The following WIF1 variants were observed in gnomAD, a reference collection of about 807,000 sequenced individuals.
WIF1 encodes Wnt inhibitory factor 1.
A neutral mutation model predicts 53.5 loss-of-function variants in WIF1; 35 were observed. That is an observed-to-expected ratio of 0.65 (90% CI 0.50 to 0.87). WIF1 has a LOEUF of 0.87. Among genes scored for constraint, WIF1 ranks in the 40% least tolerant of loss-of-function variants. The probability of loss-of-function intolerance (pLI) is 0.00; values close to 1 mark genes in which losing one functional copy is unlikely to be tolerated. For synonymous variants in WIF1, 171 were observed against 170.4 expected (o/e 1.00, Z -0.03); for missense variants, 467 against 476.8 (o/e 0.98, Z 0.19).
rs141700193 is a variant in WIF1, at chr12:65,053,205, A to G, written c.1019-1735T>C. On this transcript the variant is annotated intron_variant, in intron 9 of 9. Coordinates refer to ENST00000286574, the MANE Select transcript of WIF1 (RefSeq NM_007191.5). ...AACCATTCCCACTGTGTGAGAAGCA[A>G]TTTTCCAGAGGAGCGGCACTGCTTA... Among the ~76,000 whole-genome samples the G allele has an allele frequency of 3.9e-4, 59 of 152,206 alleles. 1 individual carries two copies. In the East Asian group the frequency reaches 8.7e-3, roughly 22 times the overall value.
intron 2 of WIF1, among the ~76,000 whole-genome samples, chr12:65,095,107 A>AT (rs71096025): frequency 0.13 from 18,102 of 139,460 alleles, 1,442 homozygotes; most frequent in African/African-American, 0.23. Flanking sequence ...TAATTTTTGT[A>AT]TTTTTTTTTT....
intron 1 of WIF1, 62 bp downstream of exon 1, chr12:65,120,978 CTCTT>C: frequency 7.3e-7 from 1 of 1,362,890 alleles, no homozygotes; most frequent in South Asian, 2.0e-5. Flanking sequence ...GCAGGTATCC[CTCTT>C]TCTTGAAGAG....
chr12:65,062,613 G>A lies in WIF1; in HGVS notation c.731-37C>T. On this transcript the variant is annotated intron_variant, in intron 6 of 9. Transcript: ENST00000286574. ...AGTAACAGGGGTGTTGCATTAGACA[G>A]TAGGTTAAATCTAACACAAATTTCA... The A allele has an allele frequency of 4.5e-6, 7 of 1,555,944 alleles. No homozygotes were observed. The South Asian group carries it at 7.0e-5, about 16-fold the overall frequency.
At chr12:65,075,002 A>G (rs946130612) in intron 3 of WIF1, among the ~76,000 whole-genome samples, 1 of 152,098 alleles carries the variant, frequency 6.6e-6, no homozygotes, top group Non-Finnish European at 1.5e-5. Context: ...CAGCGTATCC[A>G]CATCTCTAGA....
At chr12:65,102,053 C>A (rs1023309791) in intron 2 of WIF1, among the ~76,000 whole-genome samples, 1 of 152,152 alleles carries the variant, frequency 6.6e-6, no homozygotes, top group Admixed American at 6.5e-5. Context: ...ATTTTGTTGC[C>A]ATTGTAAAAA....
At chr12:65,079,617 C>A (rs1882917502) in intron 2 of WIF1, among the ~76,000 whole-genome samples, 1 of 141,900 alleles carries the variant, frequency 7.0e-6, no homozygotes, top group Non-Finnish European at 1.5e-5. Context: ...CAGAGTGAGA[C>A]TCTGTCTCAA....
At chr12:65,120,677 C>T (rs1042434212) in intron 1 of WIF1, 121 bp from the exon 2 acceptor site, 12 of 1,146,830 alleles carry the variant, frequency 1.0e-5, no homozygotes, top group Non-Finnish European at 1.3e-5. Flanking sequence ...CAAGCATCTG[C>T]CTTCAGTACC....
At chr12:65,058,834 G>T (rs1159476213) in intron 7 of WIF1, among the ~76,000 whole-genome samples, 1 of 152,134 alleles carries the variant, frequency 6.6e-6, no homozygotes, top group Non-Finnish European at 1.5e-5. Context: ...CAGATCACTG[G>T]AGGCCAGGAG....
At chr12:65,070,040 C>A (rs140245644) in intron 3 of WIF1, among the ~76,000 whole-genome samples, 2 of 152,256 alleles carry the variant, frequency 1.3e-5, no homozygotes, top group South Asian at 2.1e-4. Flanking sequence ...TAAGACAAAT[C>A]TTTTCCTTTT....
chr12:65,096,815 T>G (rs1883211355), intron 2 of WIF1, among the ~76,000 whole-genome samples: 1 of 151,944 alleles, frequency 6.6e-6, no homozygotes, highest in South Asian at 2.1e-4. Flanking sequence ...AGTTGAACAA[T>G]GAGAACACAT....
At chr12:65,111,503 C>G (rs891558506) in intron 2 of WIF1, among the ~76,000 whole-genome samples, 1 of 152,158 alleles carries the variant, frequency 6.6e-6, no homozygotes, top group African/African-American at 2.4e-5. Context: ...TTTCTGGTCT[C>G]TATGCCTTGC....
Position 65,068,835 on chromosome 12 carries a change from A to G in WIF1, c.467T>C (p.Val156Ala), listed in dbSNP as rs1488501517. ...GVAAFEVDVI[V>A]MNSEGNTILQ... ...AATGGTGTTGCCTTCAGAATTCATAACAATCACATCCACTTCAAATGCTGC... is the reference window on the plus strand; with the variant it reads ...AATGGTGTTGCCTTCAGAATTCATAGCAATCACATCCACTTCAAATGCTGC... Residue 156 changes from valine (V) to alanine (A), a missense_variant, in exon 4 of 10, where the codon GTT becomes GCT. Coordinates refer to ENST00000286574, the MANE Select transcript of WIF1 (RefSeq NM_007191.5). 1.9e-6 allele frequency: 3 copies of G among 1,613,618 alleles called. No individual in the cohort carries two copies. Among genetic ancestry groups the G allele is most frequent in the African/African-American group, 2.7e-5 (2 of 74,894 alleles).
intron 2 of WIF1, among the ~76,000 whole-genome samples, chr12:65,108,832 C>T (rs893670937): frequency 6.6e-6 from 1 of 152,190 alleles, no homozygotes; most frequent in Non-Finnish European, 1.5e-5. Context: ...TCCTACCTTA[C>T]ATTTATATTC....
chr12:65,120,384 G>A lies in WIF1; in HGVS notation c.288+33C>T, dbSNP rs181496382. ...TATTTCCACCTGCCATAAGGCAGTG[G>A]AAATATTAAAGGGTAATTTTCTCAG... On this transcript the variant is annotated intron_variant, in intron 2 of 9. Transcript: ENST00000286574. 5 of 1,605,228 alleles carry A rather than the reference G, an allele frequency of 3.1e-6. No homozygotes were observed. The East Asian group carries it at 1.1e-4, about 36-fold the overall frequency.
chr12:65,071,249 A>G (rs1354820305), intron 3 of WIF1, among the ~76,000 whole-genome samples: 1 of 151,202 alleles, frequency 6.6e-6, no homozygotes, highest in East Asian at 1.9e-4. Flanking sequence ...AAAAAAAAAA[A>G]AAAAAGGAAA....
rs769934341 is a variant in WIF1 at position 65,056,032 on chromosome 12, C to A, written c.921G>T (p.Lys307Asn). ...TGGCAATGTGTATGGGGTACTTACG[C>A]TTTGAACAGAGGTCTCCCTGGTAAC... ...SKGYQGDLCS[K>N]PVCEPGCGAH... The change falls in exon 8 of 10, where the codon AAG becomes AAT. Residue 307 changes from lysine to asparagine, a missense_variant and splice_region_variant. Transcript: ENST00000286574. 2.5e-6 allele frequency: 4 copies of A among 1,613,744 alleles called. No homozygotes were observed. In the East Asian group the frequency reaches 8.9e-5, roughly 36 times the overall value.
intron 2 of WIF1, among the ~76,000 whole-genome samples, chr12:65,102,897 C>T (rs1218945095): frequency 6.6e-6 from 1 of 152,120 alleles, no homozygotes; most frequent in Non-Finnish European, 1.5e-5. Flanking sequence ...CTAGAAAAGC[C>T]TTGGATATAT....
At chr12:65,119,302 A>G (rs1215752000) in intron 2 of WIF1, among the ~76,000 whole-genome samples, 3 of 152,226 alleles carry the variant, frequency 2.0e-5, no homozygotes, top group Non-Finnish European at 4.4e-5. Flanking sequence ...CTTTCCTGTT[A>G]TAAACCTCAG....
chr12:65,077,346 T>G (rs1274674708), intron 3 of WIF1, among the ~76,000 whole-genome samples: 6 of 133,454 alleles, frequency 4.5e-5, no homozygotes, highest in Admixed American at 1.6e-4. Flanking sequence ...ATGCTAACTT[T>G]TGGGGAATTT....
Sources: gnomAD v4.1 joint callset for allele counts (sites outside exome capture counted in the v4.1 genomes callset) on GRCh38, gnomAD v4.1.1 for gene constraint, MANE v1.5 for transcripts, NCBI Gene and HGNC (gene_info 2026-07-23, HGNC 2026-07-21) for gene names.